MAS1: variants seen among roughly 807,000 people sequenced by gnomAD.
The protein encoded by MAS1 is MAS1 proto-oncogene, G protein-coupled receptor.
For synonymous variants in MAS1, 163 were observed against 164.2 expected (o/e 0.99, Z 0.05); for missense variants, 387 against 409.7 (o/e 0.94, Z 0.48).
intron 2 of MAS1, 190 bp from the exon 3 acceptor site, chr6:159,906,730 G>A (rs527368844): frequency 2.0e-6 from 1 of 511,632 alleles, no homozygotes; most frequent in East Asian, 3.4e-5. Context: ...AGTCTTATCA[G>A]GTCTAAGTTC....
At chr6:159,903,148 C>T (rs141958035) in intron 2 of MAS1, among the ~76,000 whole-genome samples, 44 of 152,208 alleles carry the variant, frequency 2.9e-4, no homozygotes, top group African/African-American at 9.6e-4. Flanking sequence ...TCCCTGACAC[C>T]GCTGGGACCT....
chr6:159,905,905 T>C (rs1782879924), intron 2 of MAS1, among the ~76,000 whole-genome samples: 1 of 151,898 alleles, frequency 6.6e-6, no homozygotes, highest in Admixed American at 6.6e-5. Flanking sequence ...AGCCAGGCAT[T>C]GTGGCACGCG....
At position 159,911,584 on chromosome 6, in the gene MAS1, C is replaced by A. The variant is rs962938542; in HGVS notation, c.*3651C>A. 6.6e-6 allele frequency: 1 copy of A among 152,104 alleles called. No individual in the cohort carries two copies. The highest frequency in any genetic ancestry group is 1.9e-4 in the East Asian group (1 of 5,182). 9.4% of individuals were successfully genotyped at this position (152,104 alleles called of 1,614,324 possible). On this transcript the variant is annotated 3_prime_UTR_variant, in exon 3 of 3. Transcript: ENST00000674077. ...TATTCCCTTTGCACAGACTGCTCTA[C>A]CTTTTTTTAATCTAGCAAACTCCAT...
In MAS1 at chr6:159,914,051, A is replaced by G. The variant is rs886851727; in HGVS notation, c.*6118A>G. On this transcript the variant is annotated 3_prime_UTR_variant, in exon 3 of 3. Coordinates refer to ENST00000674077, the MANE Select transcript of MAS1 (RefSeq NM_002377.4). ...AAATGATAAGAGGCAAGTGCCAGGC[A>G]CAAATGAAACACTCTTTTCTGGAGG... is the stretch of plus-strand genomic sequence containing the variant. The G allele has an allele frequency of 1.3e-5, 2 of 152,262 alleles. No homozygotes were observed. The highest frequency in any genetic ancestry group is 2.9e-5 in the Non-Finnish European group (2 of 68,044). The allele number at this position is 152,262 out of a possible 1,614,324, so 9.4% of individuals were successfully genotyped here.
At position 159,891,013 on chromosome 6, in the gene MAS1, A is replaced by G. The variant is rs112569992; in HGVS notation, c.-364A>G. Reference sequence around the variant, plus strand: ...GATTCCTTCAGAGATGAGAGGCTGCAGCCATCCTTCGAGATGTTGGGACCG... The same window carrying G: ...GATTCCTTCAGAGATGAGAGGCTGCGGCCATCCTTCGAGATGTTGGGACCG... On this transcript the variant is annotated 5_prime_UTR_variant, in exon 1 of 3. Transcript: ENST00000674077. 6.2e-3 allele frequency among the ~76,000 whole-genome samples: 951 copies of G among 152,332 alleles called. 9 individuals carry two copies. The highest frequency in any genetic ancestry group is 0.022 in the African/African-American group (917 of 41,570).
chr6:159,891,063 T>C lies in MAS1; in HGVS notation c.-314T>C, dbSNP rs1003788893. On this transcript the variant is annotated 5_prime_UTR_variant, in exon 1 of 3. Transcript: ENST00000674077. ...GGAGACCCTGCAGGCTGGCTGGGCA[T>C]TGATGCCCCAGATGTGAAGGGGCAG... Among the ~76,000 whole-genome samples the C allele has an allele frequency of 3.9e-5, 6 of 152,186 alleles. No homozygotes were observed. Among genetic ancestry groups the C allele is most frequent in the Non-Finnish European group, 8.8e-5 (6 of 68,040 alleles).
upstream of MAS1, among the ~76,000 whole-genome samples, chr6:159,889,842 G>A (rs547082856): frequency 3.3e-5 from 5 of 152,278 alleles, no homozygotes; most frequent in African/African-American, 4.8e-5. Context: ...CCCACTGGGA[G>A]GGCCGAGCTG....
chr6:159,890,086 A>G (rs1782679841), upstream of MAS1, among the ~76,000 whole-genome samples: 1 of 152,104 alleles, frequency 6.6e-6, no homozygotes, highest in Non-Finnish European at 1.5e-5. Context: ...ACCCTGAGTG[A>G]GGGGTGGGTC....
chr6:159,906,917 C>A lies in MAS1; in HGVS notation c.-36-3C>A. 1 of 1,537,952 alleles carries A rather than the reference C, an allele frequency of 6.5e-7. No individual in the cohort carries two copies. On this transcript the variant is annotated splice_polypyrimidine_tract_variant and splice_region_variant and intron_variant, in intron 2 of 2. Transcript: ENST00000674077. The stretch of plus-strand genomic sequence containing the variant: ...GTTTGTTTTGTTCTGGACATATTTA[C>A]AGAAAATTACCTGAAGAGTTCCAAC...
chr6:159,898,516 CCTCCTT>C (rs1212911454), intron 1 of MAS1, among the ~76,000 whole-genome samples: 18 of 144,702 alleles, frequency 1.2e-4, no homozygotes, highest in Admixed American at 4.1e-4. Flanking sequence ...TCCTCCTCCT[CCTCCTT>C]CTTCCTCCTC....
rs1044076837 is a variant in MAS1, at chr6:159,908,286, C to G, written c.*353C>G. The G allele has an allele frequency of 6.0e-5, 10 of 167,684 alleles. No homozygotes were observed. The highest frequency in any genetic ancestry group is 2.1e-4 in the African/African-American group (9 of 42,038). The allele number at this position is 167,684 out of a possible 1,614,324, so 10.4% of individuals were successfully genotyped here. A position where few individuals can be genotyped will look rare whatever the true frequency, so the allele number is the denominator to read the frequency against. On this transcript the variant is annotated 3_prime_UTR_variant, in exon 3 of 3. Coordinates refer to ENST00000674077, the MANE Select transcript of MAS1 (RefSeq NM_002377.4). The stretch of plus-strand genomic sequence containing the variant: ...TTGATGTAGCAGGAAGAACAAGGGT[C>G]GCTTCCTGTGTGACCTCAGGCAAGT...
chr6:159,903,448 G>T (rs565139990), intron 2 of MAS1, among the ~76,000 whole-genome samples: 1 of 152,272 alleles, frequency 6.6e-6, no homozygotes, highest in South Asian at 2.1e-4. Context: ...AGCTGGGCGG[G>T]CTGTAGGTTA....
rs1258340084 is a variant in MAS1 at position 159,916,983 on chromosome 6, T to G, written c.*9050T>G. On this transcript the variant is annotated 3_prime_UTR_variant, in exon 3 of 3. Coordinates refer to ENST00000674077, the MANE Select transcript of MAS1 (RefSeq NM_002377.4). ...TTTCCCCTTCAACCATTTAAAAATG[T>G]AAAAAAACTATTCTCAGCTTGTGGG... Among the ~76,000 whole-genome samples, 1 of 152,222 alleles carries G rather than the reference T, an allele frequency of 6.6e-6. No individual in the cohort carries two copies. The highest frequency in any genetic ancestry group is 1.5e-5 in the Non-Finnish European group (1 of 68,038).
chr6:159,901,375 G>A (rs1329485011), intron 2 of MAS1, among the ~76,000 whole-genome samples: 1 of 152,198 alleles, frequency 6.6e-6, no homozygotes, highest in South Asian at 2.1e-4. Context: ...ACTTTGGGAG[G>A]CCGAAGCAGG....
rs1386131580 is a variant in MAS1, at chr6:159,912,480, G to C, written c.*4547G>C. 6.6e-6 allele frequency: 1 copy of C among 152,152 alleles called. No homozygotes were observed. The highest frequency in any genetic ancestry group is 1.5e-5 in the Non-Finnish European group (1 of 68,032). 9.4% of individuals were successfully genotyped at this position (152,152 alleles called of 1,614,324 possible). On this transcript the variant is annotated 3_prime_UTR_variant, in exon 3 of 3. Coordinates refer to ENST00000674077, the MANE Select transcript of MAS1 (RefSeq NM_002377.4). The stretch of plus-strand genomic sequence containing the variant: ...CTGCTGAATGAGATGGTGAGGAGTG[G>C]GTGGTAGAAGTGAAGAAAGGAGGAG...
rs892895771 is a variant in MAS1, at chr6:159,915,689, A to G, written c.*7756A>G. On this transcript the variant is annotated 3_prime_UTR_variant, in exon 3 of 3. Coordinates refer to ENST00000674077, the MANE Select transcript of MAS1 (RefSeq NM_002377.4). ...TGACTGGTGACTTAGTTGGAGTTCC[A>G]CCCAAAGCAGATCCTGAGACAAGGA... is the stretch of plus-strand genomic sequence containing the variant. The G allele has an allele frequency of 3.9e-5, 6 of 152,256 alleles. No homozygotes were observed. The highest frequency in any genetic ancestry group is 1.4e-4 in the African/African-American group (6 of 41,454). The allele number at this position is 152,256 out of a possible 1,614,324, so 9.4% of individuals were successfully genotyped here. A position where few individuals can be genotyped will look rare whatever the true frequency, so the allele number is the denominator to read the frequency against.
At position 159,906,984 on chromosome 6, in the gene MAS1, T is replaced by C. The variant is rs377516639; in HGVS notation, c.29T>C (p.Val10Ala). 4 of 1,609,092 alleles carry C rather than the reference T, an allele frequency of 2.5e-6. No individual in the cohort carries two copies. The African/African-American group carries it at 5.3e-5, about 21-fold the overall frequency. The change falls in exon 3 of 3, where the codon GTT becomes GCT. Residue 10 changes from valine (V) to alanine (A), a missense_variant. Physicochemically the swap from Val to Ala is moderately conservative, Grantham distance 64 (BLOSUM62 0). Coordinates refer to ENST00000674077, the MANE Select transcript of MAS1 (RefSeq NM_002377.4). MDGSNVTSF[V>A]VEEPTNISTG... ...GATGGGTCAAACGTGACATCATTTG[T>C]TGTTGAGGAACCCACGAACATCTCA...
chr6:159,897,659 C>T (rs996354016), intron 1 of MAS1, among the ~76,000 whole-genome samples: 1 of 152,150 alleles, frequency 6.6e-6, no homozygotes, highest in African/African-American at 2.4e-5. Flanking sequence ...TGAACAGGGG[C>T]AGCTTAGAGT....
chr6:159,891,882 C>T (rs144942733), intron 1 of MAS1, among the ~76,000 whole-genome samples: 5 of 152,228 alleles, frequency 3.3e-5, no homozygotes, highest in Admixed American at 2.6e-4. Context: ...GCCACGGCCT[C>T]GGCACTACTG....
Sources: allele counts gnomAD v4.1 joint callset (sites outside exome capture counted in the v4.1 genomes callset), GRCh38; gene constraint gnomAD v4.1.1; transcripts MANE v1.5; gene names NCBI Gene and HGNC (gene_info 2026-07-23, HGNC 2026-07-21).